FOXP2: variants seen among roughly 807,000 people sequenced by gnomAD.
FOXP2 encodes forkhead box protein P2.
A neutral mutation model predicts 115.8 loss-of-function variants in FOXP2; 12 were observed. The observed-to-expected ratio is 0.10, with a 90% CI of 0.07 to 0.17. FOXP2 has a LOEUF of 0.17. Ranked by LOEUF, FOXP2 falls within the 10% of genes least tolerant of loss-of-function variation. The pLI is 1.00. For synonymous variants in FOXP2, 328 were observed against 297.7 expected, an observed-to-expected ratio of 1.10 and a Z score of -1.05; for missense variants, 629 against 843.5, an observed-to-expected ratio of 0.75 and a Z score of 3.15.
intron 1 of FOXP2, among the ~76,000 whole-genome samples, chr7:114,219,525 A>C (rs1381750801): frequency 6.6e-6 from 1 of 152,188 alleles, no homozygotes; most frequent in Non-Finnish European, 1.5e-5. Flanking sequence ...TAAACGACCT[A>C]CTTTATTAGG....
chr7:114,571,767 G>A (rs943648138), intron 3 of FOXP2, among the ~76,000 whole-genome samples: 10 of 151,738 alleles, frequency 6.6e-5, no homozygotes, highest in African/African-American at 2.4e-4. Flanking sequence ...ATGTGCATAG[G>A]TTATATGTAA....
chr7:114,477,051 G>A (rs1267073623), intron 2 of FOXP2, among the ~76,000 whole-genome samples: 1 of 151,992 alleles, frequency 6.6e-6, no homozygotes, highest in African/African-American at 2.4e-5. Context: ...TACATTGTTG[G>A]TGGGAATGTA....
chr7:114,160,764 TC>T (rs923582879), upstream of FOXP2, among the ~76,000 whole-genome samples: 1 of 146,422 alleles, frequency 6.8e-6, no homozygotes, highest in Non-Finnish European at 1.5e-5. Flanking sequence ...ATTTTCTCTA[TC>T]ATGAAAAGTA....
intron 3 of FOXP2, among the ~76,000 whole-genome samples, chr7:114,580,297 G>A (rs1318999784): frequency 6.6e-6 from 1 of 152,192 alleles, no homozygotes; most frequent in Non-Finnish European, 1.5e-5. Flanking sequence ...AAGAAAGAAG[G>A]ACGGGCACGG....
intron 1 of FOXP2, among the ~76,000 whole-genome samples, chr7:114,422,442 C>T (rs983659196): frequency 6.6e-6 from 1 of 151,590 alleles, no homozygotes; most frequent in South Asian, 2.1e-4. Context: ...ATGTAGAATG[C>T]AGAGTGTGGT....
intron 3 of FOXP2, among the ~76,000 whole-genome samples, chr7:114,560,770 C>G (rs1363399670): frequency 6.6e-6 from 1 of 152,118 alleles, no homozygotes; most frequent in Admixed American, 6.5e-5. Context: ...AAAATTCGTC[C>G]AAAAAGCTAT....
intron 1 of FOXP2, among the ~76,000 whole-genome samples, chr7:114,244,886 C>T (rs773813263): frequency 4.6e-5 from 7 of 151,998 alleles, no homozygotes; most frequent in Middle Eastern, 3.4e-3. Context: ...CTCAGCCTCC[C>T]GAGTAGCTAG....
intron 1 of FOXP2, among the ~76,000 whole-genome samples, chr7:114,174,886 T>C (rs969203269): frequency 6.6e-6 from 1 of 152,130 alleles, no homozygotes; most frequent in Non-Finnish European, 1.5e-5. Flanking sequence ...TATAATGATG[T>C]AGGCTTTCTA....
chr7:114,560,635 A>G (rs948129424), intron 3 of FOXP2, among the ~76,000 whole-genome samples: 10 of 152,282 alleles, frequency 6.6e-5, no homozygotes, highest in Non-Finnish European at 1.3e-4. Flanking sequence ...GCCAAAAAAA[A>G]GAACTGAAAT....
At chr7:114,146,170 T>C (rs1242975109) in intron 1 of FOXP2, among the ~76,000 whole-genome samples, 1 of 152,220 alleles carries the variant, frequency 6.6e-6, no homozygotes, top group Non-Finnish European at 1.5e-5. Flanking sequence ...GTAAACTTAC[T>C]GTTAGCTGTA....
chr7:114,593,476 A>G (rs1802541049), intron 3 of FOXP2, among the ~76,000 whole-genome samples: 1 of 152,022 alleles, frequency 6.6e-6, no homozygotes, highest in Non-Finnish European at 1.5e-5. Context: ...AACACTGAAG[A>G]TTATCTTCTT....
intron 2 of FOXP2, among the ~76,000 whole-genome samples, chr7:114,523,205 G>C (rs1798706247): frequency 6.6e-6 from 1 of 152,086 alleles, no homozygotes; most frequent in South Asian, 2.1e-4. Context: ...ATCAATGATA[G>C]GGATGAGATC....
intron 1 of FOXP2, among the ~76,000 whole-genome samples, chr7:114,250,587 A>G (rs1232050404): frequency 6.6e-6 from 1 of 152,184 alleles, no homozygotes; most frequent in East Asian, 1.9e-4. Context: ...GCCTGCATAA[A>G]TGTCTTATTT....
intron 16 of FOXP2, 58 bp from the exon 17 acceptor site, chr7:114,689,724 G>C: frequency 6.2e-7 from 1 of 1,600,658 alleles, no homozygotes; most frequent in Non-Finnish European, 8.5e-7. Context: ...TGCAAAGTTG[G>C]CCAAACTCTG....
chr7:114,476,357 G>C (rs1796260667), intron 2 of FOXP2, among the ~76,000 whole-genome samples: 1 of 151,898 alleles, frequency 6.6e-6, no homozygotes, highest in Non-Finnish European at 1.5e-5. Flanking sequence ...AGATATCCCA[G>C]AGCTATTTAT....
At chr7:114,403,865 A>T (rs939777012) in intron 2 of FOXP2, among the ~76,000 whole-genome samples, 4 of 152,188 alleles carry the variant, frequency 2.6e-5, no homozygotes, top group Admixed American at 2.6e-4. Flanking sequence ...TATCATTTGA[A>T]GTTTGCAGGG....
At chr7:114,399,098 CTTTCTT>C (rs1263117929) in intron 2 of FOXP2, among the ~76,000 whole-genome samples, 8 of 141,876 alleles carry the variant, frequency 5.6e-5, no homozygotes, top group Non-Finnish European at 7.6e-5. Flanking sequence ...TATCTTCTGA[CTTTCTT>C]TTTCTTTTTC....
intron 3 of FOXP2, among the ~76,000 whole-genome samples, chr7:114,608,345 C>A (rs1014193157): frequency 6.6e-6 from 1 of 152,134 alleles, no homozygotes; most frequent in African/African-American, 2.4e-5. Context: ...AAGTTGTCTG[C>A]AAACTTTTTT....
intron 1 of FOXP2, among the ~76,000 whole-genome samples, chr7:114,187,940 G>A (rs1793655414): frequency 6.6e-6 from 1 of 152,078 alleles, no homozygotes; most frequent in African/African-American, 2.4e-5. Context: ...AATAGTATCA[G>A]TCCCACCCAT....
Sources: gnomAD v4.1 joint callset for allele counts (sites outside exome capture counted in the v4.1 genomes callset) on GRCh38, gnomAD v4.1.1 for gene constraint, MANE v1.5 for transcripts, NCBI Gene and HGNC (gene_info 2026-07-23, HGNC 2026-07-21) for gene names.